The following TDP1 variants were observed in gnomAD, a reference collection of about 807,000 sequenced individuals.
TDP1 encodes the protein tyr-DNA phosphodiesterase 1.
Under a neutral mutation model 81.5 loss-of-function variants are expected in TDP1, and 64 were observed. The observed-to-expected ratio is 0.79, with a 90% CI of 0.64 to 0.97. TDP1 has a LOEUF of 0.97. TDP1 is among the 50% of genes least tolerant of loss of function. The pLI is 0.00. For synonymous variants in TDP1, 256 were observed against 264.3 expected (o/e 0.97, Z 0.30); for missense variants, 723 against 743.8 (o/e 0.97, Z 0.33).
At chr14:89,984,707 G>A (rs1895363080) in intron 9 of TDP1, 24 bp downstream of exon 9, 8 of 1,611,934 alleles carry the variant, frequency 5.0e-6, no homozygotes, top group African/African-American at 1.3e-5. Context: ...TATCAATTTG[G>A]GGTGCTTATG....
intron 2 of TDP1, among the ~76,000 whole-genome samples, chr14:89,961,193 A>C: frequency 6.6e-6 from 1 of 152,186 alleles, no homozygotes; most frequent in East Asian, 1.9e-4. Context: ...CATTTGAATG[A>C]ATTACAATTA....
chr14:89,992,911 G>T, intron 13 of TDP1: 1 of 984,728 alleles, frequency 1.0e-6, no homozygotes, highest in Non-Finnish European at 1.2e-6. Flanking sequence ...AAGTATTTCT[G>T]CCCTCGCTTT....
intron 8 of TDP1, chr14:89,984,217 C>T: frequency 1.0e-6 from 1 of 985,232 alleles, no homozygotes; most frequent in Non-Finnish European, 1.2e-6. Flanking sequence ...GTAAGAGGAG[C>T]AATAAGGAAG....
intron 8 of TDP1, 75 bp downstream of exon 8, chr14:89,980,707 CT>C: frequency 8.1e-7 from 1 of 1,228,898 alleles, no homozygotes; most frequent in Non-Finnish European, 1.2e-6. Flanking sequence ...TCACTTTATT[CT>C]TTTTTCTATT....
At chr14:90,022,389 A>G (rs966274048) in intron 15 of TDP1, among the ~76,000 whole-genome samples, 1 of 152,168 alleles carries the variant, frequency 6.6e-6, no homozygotes, top group African/African-American at 2.4e-5. Flanking sequence ...CTCTTAGGGG[A>G]CTCAGCAGCG....
intron 15 of TDP1, among the ~76,000 whole-genome samples, chr14:90,031,342 A>C (rs138391614): frequency 0.026 from 3,723 of 141,192 alleles, 139 homozygotes; most frequent in African/African-American, 0.088. Context: ...CCCACCTATG[A>C]GTGAGAATAT....
Position 89,963,122 on chromosome 14 carries a change from A to AGGAAGGCGATTATGGGAG in TDP1, c.10_27dup (p.Glu4_Arg9dup), listed in dbSNP as rs1566842096. The AGGAAGGCGATTATGGGAG allele has an allele frequency of 1.2e-6, 2 of 1,614,112 alleles. No individual in the cohort carries two copies. The highest frequency in any genetic ancestry group is 4.5e-5 in the East Asian group (2 of 44,874). ...TTCATTTCCAGGAGTATAATGTCTC[A>AGGAAGGCGATTATGGGAG]GGAAGGCGATTATGGGAGGTGGACC... On this transcript the variant is annotated inframe_insertion, in exon 3 of 17. Transcript: ENST00000335725.
intron 14 of TDP1, among the ~76,000 whole-genome samples, chr14:90,017,264 A>G (rs1180328798): frequency 2.6e-5 from 4 of 151,766 alleles, no homozygotes; most frequent in Non-Finnish European, 2.9e-5. Context: ...CAACCCCACA[A>G]GAGTTTGGAA....
At chr14:90,022,904 G>A (rs535745851) in intron 15 of TDP1, 24 of 783,788 alleles carry the variant, frequency 3.1e-5, no homozygotes, top group African/African-American at 2.6e-4. Context: ...GCTGTCCAAC[G>A]GAACAGCCCG....
intron 8 of TDP1, among the ~76,000 whole-genome samples, chr14:89,982,539 A>G (rs1450306870): frequency 6.6e-6 from 1 of 152,196 alleles, no homozygotes; most frequent in Non-Finnish European, 1.5e-5. Context: ...CTGGGCCTCC[A>G]GCTCCTTCTG....
chr14:90,004,237 G>T (rs1480562482), intron 14 of TDP1, among the ~76,000 whole-genome samples: 1 of 152,080 alleles, frequency 6.6e-6, no homozygotes, highest in African/African-American at 2.4e-5. Flanking sequence ...CATCACTGAT[G>T]GAAAAAAGCT....
At position 89,958,769 on chromosome 14, in the gene TDP1, C is replaced by T. The variant is rs867778021; in HGVS notation, c.-8+1969C>T. Among the ~76,000 whole-genome samples the T allele has an allele frequency of 5.9e-5, 9 of 152,326 alleles. No homozygotes were observed. The South Asian group carries it at 1.9e-3, about 32-fold the overall frequency. ...CAGGCTTTAAACTGTCTTTGGTTTGCAGGTGGGGTTTCACTGGGGCCCTGC... is the reference window on the plus strand; with the variant it reads ...CAGGCTTTAAACTGTCTTTGGTTTGTAGGTGGGGTTTCACTGGGGCCCTGC... On this transcript the variant is annotated intron_variant, in intron 2 of 16. Transcript: ENST00000335725.
At position 90,013,615 on chromosome 14, in the gene TDP1, G is replaced by C. The variant is rs541947889; in HGVS notation, c.1542-5701G>C. 3.8e-4 allele frequency among the ~76,000 whole-genome samples: 58 copies of C among 152,222 alleles called. No individual in the cohort carries two copies. The South Asian group carries it at 0.012, about 31-fold the overall frequency. On this transcript the variant is annotated intron_variant, in intron 14 of 16. Coordinates refer to ENST00000335725, the MANE Select transcript of TDP1 (RefSeq NM_018319.4). ...AGCCTCGGGTATGTCTTTATTAGCA[G>C]CATGAGAACAGACTGATACAAGTAG...
At chr14:90,013,539 G>C (rs762981711) in intron 14 of TDP1, among the ~76,000 whole-genome samples, 20 of 152,258 alleles carry the variant, frequency 1.3e-4, no homozygotes, top group East Asian at 3.9e-4. Flanking sequence ...GGCCTCCCCC[G>C]CCATGTGCAA....
chr14:90,002,740 G>C (rs373143363), intron 14 of TDP1, among the ~76,000 whole-genome samples: 1 of 151,240 alleles, frequency 6.6e-6, no homozygotes, highest in Admixed American at 6.6e-5. Flanking sequence ...ATGCTTGGTG[G>C]TGTGCGCCTG....
chr14:89,992,123 A>G (rs1896255760), intron 13 of TDP1, 140 bp downstream of exon 13: 4 of 716,556 alleles, frequency 5.6e-6, no homozygotes, highest in Middle Eastern at 3.5e-4. Flanking sequence ...AGTGATAGAA[A>G]TAATTTAAAA....
chr14:89,998,409 T>C (rs1413825833), intron 14 of TDP1, among the ~76,000 whole-genome samples: 5 of 122,330 alleles, frequency 4.1e-5, no homozygotes, highest in Admixed American at 7.8e-5. Flanking sequence ...TATATATATA[T>C]ATATATATAT....
chr14:89,990,142 G>A (rs1285185657), intron 12 of TDP1, among the ~76,000 whole-genome samples: 1 of 152,044 alleles, frequency 6.6e-6, no homozygotes, highest in African/African-American at 2.4e-5. Context: ...GGTACCATGT[G>A]GTCCTTTTAA....
At chr14:90,038,745 G>A (rs34521794) in intron 16 of TDP1, among the ~76,000 whole-genome samples, 165 of 152,264 alleles carry the variant, frequency 1.1e-3, no homozygotes, top group African/African-American at 3.9e-3. Flanking sequence ...GGCTGAGACA[G>A]GAGAATCACT....
Sources: gnomAD v4.1 joint callset for allele counts (sites outside exome capture counted in the v4.1 genomes callset) on GRCh38, gnomAD v4.1.1 for gene constraint, MANE v1.5 for transcripts, NCBI Gene and HGNC (gene_info 2026-07-23, HGNC 2026-07-21) for gene names.